The following NAV3 variants were observed in gnomAD, a reference collection of about 807,000 sequenced individuals.
NAV3 encodes pore membrane and/or filament interacting like protein 1.
NAV3 carries 87 observed loss-of-function variants against 244.7 expected under a neutral mutation model. The ratio of observed to expected loss-of-function variants is 0.36; its 90% CI spans 0.30 to 0.42. The LOEUF (loss-of-function observed/expected upper bound fraction) is 0.42, where lower values mean the gene tolerates loss of function less well. Ranked by LOEUF, NAV3 falls within the 20% of genes least tolerant of loss-of-function variation. The pLI, the probability that NAV3 is intolerant of heterozygous loss-of-function variation, is 1.00. For synonymous variants in NAV3, 1,126 were observed against 1,042.2 expected, an observed-to-expected ratio of 1.08 and a Z score of -1.55; for missense variants, 2,663 against 2,893.3, an observed-to-expected ratio of 0.92 and a Z score of 1.83.
chr12:77,740,412 C>T (rs1013435966), intron 2 of NAV3, among the ~76,000 whole-genome samples: 3 of 150,914 alleles, frequency 2.0e-5, no homozygotes, highest in African/African-American at 7.3e-5. Context: ...TTTTTCTTGG[C>T]TATTGATTGA....
At chr12:78,089,647 C>G (rs967639217) in intron 12 of NAV3, among the ~76,000 whole-genome samples, 6 of 152,008 alleles carry the variant, frequency 3.9e-5, no homozygotes, top group Non-Finnish European at 5.9e-5. Context: ...GTTACAGGAT[C>G]AAGAATGGAA....
At chr12:77,660,848 A>G (rs1873409986) in intron 2 of NAV3, among the ~76,000 whole-genome samples, 1 of 152,134 alleles carries the variant, frequency 6.6e-6, no homozygotes, top group South Asian at 2.1e-4. Flanking sequence ...CATACAATAC[A>G]CAGTTTTTTG....
rs150998352 is a variant in NAV3 at position 77,618,391 on chromosome 12, C to T, written c.72+46125C>T. Reference sequence around the variant, plus strand: ...AATTTATAGATAGGCACTACTAAAACACAAGCAAAATATTAATTACTCTTC... The same window carrying T: ...AATTTATAGATAGGCACTACTAAAATACAAGCAAAATATTAATTACTCTTC... On this transcript the variant is annotated intron_variant, in intron 2 of 8. Coordinates refer to the NAV3 transcript ENST00000550042. Among the ~76,000 whole-genome samples, 146 of 152,282 alleles carry T rather than the reference C, an allele frequency of 9.6e-4. 1 individual carries two copies. In the Middle Eastern group the frequency reaches 0.01, roughly 11 times the overall value.
At chr12:77,892,668 G>C (rs995631406) in intron 1 of NAV3, among the ~76,000 whole-genome samples, 1 of 152,094 alleles carries the variant, frequency 6.6e-6, no homozygotes, top group South Asian at 2.1e-4. Context: ...ACCCACCTTG[G>C]CCTCTCAACG....
chr12:77,717,130 A>G (rs549611746), intron 2 of NAV3, among the ~76,000 whole-genome samples: 19 of 152,034 alleles, frequency 1.2e-4, no homozygotes, highest in Non-Finnish European at 2.2e-4. Context: ...TGGGGTAAAA[A>G]CCATATAACA....
intron 5 of NAV3, among the ~76,000 whole-genome samples, chr12:77,992,639 T>C (rs1241043706): frequency 6.6e-6 from 1 of 151,944 alleles, no homozygotes; most frequent in Non-Finnish European, 1.5e-5. Flanking sequence ...ATTTAAGGAG[T>C]AGAATATTAG....
intron 1 of NAV3, among the ~76,000 whole-genome samples, chr12:77,872,622 A>G (rs996153602): frequency 6.6e-6 from 1 of 152,164 alleles, no homozygotes; most frequent in Admixed American, 6.6e-5. Flanking sequence ...AATCAAGGAA[A>G]TGTCTAAGAG....
At chr12:77,930,406 T>C (rs1047389068) in intron 1 of NAV3, among the ~76,000 whole-genome samples, 4 of 151,782 alleles carry the variant, frequency 2.6e-5, no homozygotes, top group African/African-American at 9.7e-5. Flanking sequence ...TTTTTTATTG[T>C]ATAATTTATG....
At chr12:77,799,374 G>T (rs1364828977) in intron 2 of NAV3, among the ~76,000 whole-genome samples, 1 of 152,102 alleles carries the variant, frequency 6.6e-6, no homozygotes, top group African/African-American at 2.4e-5. Flanking sequence ...CATGAAATGG[G>T]CATATAATGG....
chr12:77,946,625 C>T (rs149774620), intron 3 of NAV3, among the ~76,000 whole-genome samples: 328 of 151,974 alleles, frequency 2.2e-3, no homozygotes, highest in African/African-American at 7.6e-3. Flanking sequence ...CCTAGGTGGG[C>T]GGCATCAGGA....
intron 2 of NAV3, among the ~76,000 whole-genome samples, chr12:77,773,347 A>G (rs1294089097): frequency 1.3e-5 from 2 of 152,210 alleles, no homozygotes; most frequent in East Asian, 1.9e-4. Flanking sequence ...AAGAAAAGCA[A>G]TATCAACAAT....
In NAV3 at chr12:78,007,621, C is replaced by G. The variant is rs930644783; in HGVS notation, c.1907+176C>G. ...GAATCTTAGTCTGGAAAAAGACTTC[C>G]AGTAGGATCTAGTTTTATTCCCTCT... is the stretch of plus-strand genomic sequence containing the variant. On this transcript the variant is annotated intron_variant, in intron 8 of 39. Coordinates refer to ENST00000397909, the MANE Select transcript of NAV3 (RefSeq NM_001024383.2). 2.0e-5 allele frequency among the ~76,000 whole-genome samples: 3 copies of G among 152,216 alleles called. No individual in the cohort carries two copies. In the South Asian group the frequency reaches 6.2e-4, roughly 32 times the overall value.
At chr12:77,625,244 A>C (rs1871564429) in intron 2 of NAV3, among the ~76,000 whole-genome samples, 1 of 152,160 alleles carries the variant, frequency 6.6e-6, no homozygotes, top group Non-Finnish European at 1.5e-5. Flanking sequence ...CTCTTCAGAG[A>C]ATAACATGTT....
rs534352170 is a variant in NAV3, at chr12:78,014,524, G to T, written c.1907+7079G>T. 1.1e-4 allele frequency among the ~76,000 whole-genome samples: 16 copies of T among 152,152 alleles called. No individual in the cohort carries two copies. In the South Asian group the frequency reaches 3.3e-3, roughly 32 times the overall value. ...TTTCCTTCTTTTGATATAATATGCT[G>T]TACTTTATACAACCACACCATGGAT... On this transcript the variant is annotated intron_variant, in intron 8 of 39. Transcript: ENST00000397909.
intron 1 of NAV3, among the ~76,000 whole-genome samples, chr12:77,835,752 A>G (rs375160522): frequency 9.2e-5 from 14 of 152,312 alleles, no homozygotes; most frequent in African/African-American, 3.4e-4. Context: ...TCCATGCAGC[A>G]TATTCACCAT....
chr12:77,649,303 A>G (rs1277173536), intron 2 of NAV3, among the ~76,000 whole-genome samples: 1 of 152,138 alleles, frequency 6.6e-6, no homozygotes, highest in African/African-American at 2.4e-5. Context: ...ACAGTCTTAT[A>G]GTATTTGCGT....
At position 78,204,979 on chromosome 12, in the gene NAV3, G is replaced by A. The variant is rs1960134646; in HGVS notation, c.6879G>A (p.Val2293=). The change falls in exon 39 of 40, where the codon GTG becomes GTA. Residue 2293 remains valine, a synonymous_variant. Coordinates refer to ENST00000397909, the MANE Select transcript of NAV3 (RefSeq NM_001024383.2). ...RTPWEDPSKW[V]LDTYPWSSAT... is the part of the protein sequence containing the mutation. The stretch of plus-strand genomic sequence containing the variant: ...CATGGGAAGATCCTTCAAAGTGGGT[G>A]CTTGACACATATCCATGGAGCTCAG... The A allele has an allele frequency of 6.2e-7, 1 of 1,613,536 alleles. No homozygotes were observed. The highest frequency in any genetic ancestry group is 8.5e-7 in the Non-Finnish European group (1 of 1,179,730).
In NAV3 at chr12:77,930,131, A is replaced by C. The variant is rs148957182; in HGVS notation, c.244-10188A>C. Among the ~76,000 whole-genome samples the C allele has an allele frequency of 1.4e-3, 218 of 152,218 alleles. 5 individuals are homozygous for C. In the East Asian group the frequency reaches 0.041, roughly 28 times the overall value. On this transcript the variant is annotated intron_variant, in intron 1 of 39. Transcript: ENST00000397909. Reference sequence around the variant, plus strand: ...GGTGATTATTTTTGTATTTCCAAGTAATATGCTTTAATATCCTACTTTATG... The same window carrying C: ...GGTGATTATTTTTGTATTTCCAAGTCATATGCTTTAATATCCTACTTTATG...
At chr12:78,158,658 T>C (rs1313188903) in intron 22 of NAV3, among the ~76,000 whole-genome samples, 3 of 152,158 alleles carry the variant, frequency 2.0e-5, no homozygotes, top group Non-Finnish European at 2.9e-5. Flanking sequence ...TAAAGATAAC[T>C]CTTTTCAATT....
Sources: gnomAD v4.1 joint callset for allele counts (sites outside exome capture counted in the v4.1 genomes callset) on GRCh38, gnomAD v4.1.1 for gene constraint, MANE v1.5 for transcripts, NCBI Gene and HGNC (gene_info 2026-07-23, HGNC 2026-07-21) for gene names.